COL15A1: variants seen among roughly 807,000 people sequenced by gnomAD.
COL15A1 encodes the protein collagen type XV alpha 1 chain, also known as collagen alpha-1(XV) chain.
A neutral mutation model predicts 165.9 loss-of-function variants in COL15A1; 111 were observed. The observed-to-expected ratio is 0.67, with a 90% CI of 0.57 to 0.78. COL15A1 has a LOEUF of 0.78. Ranked by LOEUF, COL15A1 falls within the 30% of genes least tolerant of loss-of-function variation. The probability of loss-of-function intolerance (pLI) is 0.00; values close to 1 mark genes in which losing one functional copy is unlikely to be tolerated. For synonymous variants in COL15A1, 659 were observed against 674.8 expected (o/e 0.98, Z 0.36); for missense variants, 1,745 against 1,789.7 (o/e 0.98, Z 0.45).
At chr9:99,023,600 C>T in intron 14 of COL15A1, 151 bp downstream of exon 14, 1 of 561,036 alleles carries the variant, frequency 1.8e-6, no homozygotes. Context: ...TCTACTTTTC[C>T]TTGTGCTTGT....
intron 2 of COL15A1, among the ~76,000 whole-genome samples, chr9:98,966,077 T>C (rs1837951614): frequency 6.6e-6 from 1 of 152,068 alleles, no homozygotes; most frequent in East Asian, 1.9e-4. Flanking sequence ...ATAGAATGAA[T>C]GATAGTAAGG....
intron 2 of COL15A1, among the ~76,000 whole-genome samples, chr9:98,956,084 T>A (rs1036823845): frequency 3.9e-5 from 6 of 152,188 alleles, no homozygotes; most frequent in Non-Finnish European, 8.8e-5. Context: ...GGCAGATGGA[T>A]CACCTGAGGT....
In COL15A1 at chr9:99,001,024, T is replaced by A. The variant is rs1838643480; in HGVS notation, c.1065+73T>A. On this transcript the variant is annotated intron_variant, in intron 7 of 41. Coordinates refer to ENST00000375001, the MANE Select transcript of COL15A1 (RefSeq NM_001855.5). ...TGCTTATTTCAAACTTGGTGATGAT[T>A]TTACTGAGCACCAGAGAGAACCACA... The A allele has an allele frequency of 5.2e-6, 4 of 772,170 alleles. No homozygotes were observed. In the African/African-American group the frequency reaches 6.8e-5, roughly 13 times the overall value. The allele number at this position is 772,170 out of a possible 1,614,324, so 47.8% of individuals were successfully genotyped here.
chr9:99,000,361 C>A (rs1838628071), intron 6 of COL15A1, among the ~76,000 whole-genome samples: 2 of 151,752 alleles, frequency 1.3e-5, no homozygotes, highest in South Asian at 4.2e-4. Flanking sequence ...TTATGTATGT[C>A]ATAATCATTA....
intron 2 of COL15A1, among the ~76,000 whole-genome samples, chr9:98,944,619 T>A (rs1588484721): frequency 1.3e-5 from 2 of 152,248 alleles, no homozygotes; most frequent in African/African-American, 4.8e-5. Flanking sequence ...TGGCTTCTGG[T>A]AAGGGCAGGT....
chr9:98,997,003 C>G lies in COL15A1; in HGVS notation c.874C>G (p.Leu292Val). ...TPSSPFEDMELSGEPVPEGTL... is the reference protein window; with the variant it reads ...TPSSPFEDMEVSGEPVPEGTL... ...ATCCTCCCCCTTTGAAGACATGGAA[C>G]TTTCTGGTGAACCTGTACCCGAGGG... The change falls in exon 6 of 42, where the codon CTT becomes GTT. Residue 292 changes from leucine to valine, a missense_variant. Leu to Val is a conservative substitution (Grantham distance 32). Coordinates refer to ENST00000375001, the MANE Select transcript of COL15A1 (RefSeq NM_001855.5). The G allele has an allele frequency of 6.2e-7, 1 of 1,614,224 alleles. No individual in the cohort carries two copies. Among genetic ancestry groups the G allele is most frequent in the Non-Finnish European group, 8.5e-7 (1 of 1,180,042 alleles).
At chr9:99,028,614 C>T (rs1839168139) in intron 16 of COL15A1, among the ~76,000 whole-genome samples, 1 of 151,964 alleles carries the variant, frequency 6.6e-6, no homozygotes, top group African/African-American at 2.4e-5. Context: ...CGCGCCACTG[C>T]ACTTCAGCCT....
At chr9:99,002,198 C>T (rs2118946374) in intron 7 of COL15A1, among the ~76,000 whole-genome samples, 1 of 145,320 alleles carries the variant, frequency 6.9e-6, no homozygotes, top group South Asian at 2.3e-4. Flanking sequence ...TCCCACTTCC[C>T]TCCTTTTCTC....
intron 39 of COL15A1, among the ~76,000 whole-genome samples, chr9:99,065,809 T>C (rs1167916017): frequency 2.0e-5 from 3 of 151,418 alleles, no homozygotes; most frequent in African/African-American, 7.3e-5. Context: ...CAAGGGCTGC[T>C]TGGGGCCAGT....
At chr9:99,047,679 T>A (rs1370625539) in intron 26 of COL15A1, 107 bp from the exon 27 acceptor site, 1 of 1,156,624 alleles carries the variant, frequency 8.6e-7, no homozygotes, top group Non-Finnish European at 1.3e-6. Flanking sequence ...CTTCCTCCTG[T>A]CAGTGGATCA....
At chr9:99,003,609 C>A in intron 8 of COL15A1, 22 bp downstream of exon 8, 1 of 1,456,590 alleles carries the variant, frequency 6.9e-7, no homozygotes. Flanking sequence ...AGAGCGCAAG[C>A]TCCCCTTCAC....
chr9:99,055,335 C>T lies in COL15A1; in HGVS notation c.3155C>T (p.Ser1052Phe), dbSNP rs149844223. 26 of 1,613,720 alleles carry T rather than the reference C, an allele frequency of 1.6e-5. No homozygotes were observed. Among genetic ancestry groups the T allele is most frequent in the Non-Finnish European group, 2.0e-5 (24 of 1,179,724 alleles). ...GACATTAATGGCAGCTTCCTTATGTCTGGGCCTCCAGGCCTGCCCGGAAAT... is the reference window on the plus strand; with the variant it reads ...GACATTAATGGCAGCTTCCTTATGTTTGGGCCTCCAGGCCTGCCCGGAAAT... ...KGDINGSFLM[S>F]GPPGLPGNPG... is the part of the protein sequence containing the mutation. The change falls in exon 34 of 42, where the codon TCT becomes TTT. Residue 1052 changes from serine to phenylalanine, a missense_variant. Coordinates refer to ENST00000375001, the MANE Select transcript of COL15A1 (RefSeq NM_001855.5).
chr9:99,043,753 A>G (rs1839450442), intron 24 of COL15A1, among the ~76,000 whole-genome samples: 1 of 152,112 alleles, frequency 6.6e-6, no homozygotes, highest in African/African-American at 2.4e-5. Context: ...CCTGCTCCCC[A>G]GGGGCCAGCA....
intron 7 of COL15A1, among the ~76,000 whole-genome samples, chr9:99,003,069 A>G (rs994775736): frequency 2.0e-5 from 3 of 152,236 alleles, no homozygotes; most frequent in Non-Finnish European, 2.9e-5. Context: ...GCTGAGGAGG[A>G]CAGAGGTGCT....
intron 16 of COL15A1, among the ~76,000 whole-genome samples, chr9:99,030,039 T>A (rs1328184225): frequency 3.9e-5 from 6 of 152,286 alleles, no homozygotes; most frequent in Admixed American, 1.3e-4. Context: ...GGCAGTAAGA[T>A]GTGCTGTCTC....
rs557166741 is a variant in COL15A1 at position 99,054,989 on chromosome 9, C to G, written c.3032-113C>G. ...CTTCCAAGCAGACTCTGTTAGCCAA[C>G]CCAGTGCAGGCTCACATCCACTAAG... On this transcript the variant is annotated intron_variant, in intron 32 of 41. Transcript: ENST00000375001. 6.5e-6 allele frequency: 6 copies of G among 929,214 alleles called. 1 individual carries two copies. Among genetic ancestry groups the G allele is most frequent in the Middle Eastern group, 3.0e-4 (1 of 3,322 alleles). 57.6% of individuals were successfully genotyped at this position (929,214 alleles called of 1,614,324 possible).
At chr9:99,015,933 T>G in intron 10 of COL15A1, 43 bp from the exon 11 acceptor site, 1 of 1,601,410 alleles carries the variant, frequency 6.2e-7, no homozygotes, top group South Asian at 1.1e-5. Context: ...GGCAGCCTCA[T>G]GAGCGAGGTG....
In COL15A1 at chr9:99,061,419, C is replaced by G. The variant is rs1825814055; in HGVS notation, c.3403-552C>G. On this transcript the variant is annotated intron_variant, in intron 36 of 41. Coordinates refer to ENST00000375001, the MANE Select transcript of COL15A1 (RefSeq NM_001855.5). Reference sequence around the variant, plus strand: ...TGGCTGTCTAATCTTTGGCACTTTTCTAGGCAGAGAAATTACAGACCTCCA... The same window carrying G: ...TGGCTGTCTAATCTTTGGCACTTTTGTAGGCAGAGAAATTACAGACCTCCA... Among the ~76,000 whole-genome samples, 3 of 152,166 alleles carry G rather than the reference C, an allele frequency of 2.0e-5. 1 individual carries two copies. The South Asian group carries it at 6.2e-4, about 32-fold the overall frequency.
At chr9:98,982,943 C>T (rs1396627177) in intron 2 of COL15A1, among the ~76,000 whole-genome samples, 2 of 152,146 alleles carry the variant, frequency 1.3e-5, no homozygotes, top group Non-Finnish European at 2.9e-5. Flanking sequence ...GCCATGATAT[C>T]CACCACTTTT....
Sources: gnomAD v4.1 joint callset for allele counts (sites outside exome capture counted in the v4.1 genomes callset) on GRCh38, gnomAD v4.1.1 for gene constraint, MANE v1.5 for transcripts, NCBI Gene and HGNC (gene_info 2026-07-23, HGNC 2026-07-21) for gene names.